The following ZNF723 variants were observed in gnomAD, a reference collection of about 807,000 sequenced individuals.
ZNF723 encodes zinc finger protein 723, pseudogene.
In ZNF723, 5 loss-of-function variants were observed where a neutral mutation model predicts 9.4. That is an observed-to-expected ratio of 0.53 (90% CI 0.28 to 1.12). The LOEUF (loss-of-function observed/expected upper bound fraction) is 1.12, where lower values mean the gene tolerates loss of function less well. Among genes scored for constraint, ZNF723 ranks in the 50% most tolerant of loss-of-function variants. ZNF723 has a pLI of 0.10. For synonymous variants in ZNF723, 158 were observed against 168.8 expected (o/e 0.94, Z 0.49); for missense variants, 450 against 501.5 (o/e 0.90, Z 0.98).
the ZNF723 span, among the ~76,000 whole-genome samples, chr19:22,817,218 G>T: frequency 3.3e-5 from 5 of 152,052 alleles, no homozygotes; most frequent in African/African-American, 1.2e-4. Flanking sequence ...CTTCTGCCTT[G>T]GCCCTGCCTA....
rs992664533 is a variant in ZNF723, at chr19:22,858,083, A to G, written c.1192A>G (p.Lys398Glu). ...AATTCATACTGGAGAGAAACCCTAC[A>G]AATGTGAAGAATGTGGCAAAGCCTT... The part of the protein sequence containing the change: ...KRIHTGEKPY[K>E]CEECGKAFNQ... The change falls in exon 4 of 4, where the codon AAA becomes GAA. Residue 398 changes from lysine (K) to glutamate (E), a missense_variant. By Grantham distance (56) the Lys-to-Glu change is moderately conservative. Around this residue, in one of 5 missense-constraint regions of ZNF723, gnomAD observed 237 missense variants for 332.2 expected, o/e 0.71. Coordinates refer to ENST00000600766, the MANE Select transcript of ZNF723 (RefSeq NM_001349726.2). 13 of 1,505,824 alleles carry G rather than the reference A, an allele frequency of 8.6e-6. No individual in the cohort carries two copies. In the African/African-American group the frequency reaches 1.8e-4, roughly 21 times the overall value. The allele number at this position is 1,505,824 out of a possible 1,614,324, so 93.3% of individuals were successfully genotyped here.
chr19:22,823,322 A>G, the ZNF723 span, among the ~76,000 whole-genome samples: 3 of 152,184 alleles, frequency 2.0e-5, no homozygotes, highest in Non-Finnish European at 2.9e-5. Flanking sequence ...GCCACAGTCC[A>G]CTGTTGAGGT....
intron 1 of ZNF723, among the ~76,000 whole-genome samples, chr19:22,839,966 T>G (rs1260148168): frequency 6.6e-6 from 1 of 151,758 alleles, no homozygotes; most frequent in Non-Finnish European, 1.5e-5. Context: ...AATAAGGTTG[T>G]TTGTTTTTCC....
In ZNF723 at chr19:22,857,352, T is replaced by G; in HGVS notation, c.461T>G (p.Phe154Cys). 1 of 822,454 alleles carries G rather than the reference T, an allele frequency of 1.2e-6. No individual in the cohort carries two copies. Among genetic ancestry groups the G allele is most frequent in the Non-Finnish European group, 2.2e-6 (1 of 464,830 alleles). The allele number at this position is 822,454 out of a possible 1,614,324, so 50.9% of individuals were successfully genotyped here. Residue 154 changes from phenylalanine (F) to cysteine (C), a missense_variant, in exon 4 of 4, where the codon TTT becomes TGT. Phe to Cys is a radical substitution (Grantham distance 205). Coordinates refer to ENST00000600766, the MANE Select transcript of ZNF723 (RefSeq NM_001349726.2). ...IFQCDKYVKV[F>C]HKFSSSNSQK... is the part of the protein sequence containing the mutation. The stretch of plus-strand genomic sequence containing the variant: ...CAATGTGATAAATATGTAAAAGTCT[T>G]TCATAAATTTTCAAGTTCAAATAGC...
intron 1 of ZNF723, among the ~76,000 whole-genome samples, chr19:22,843,217 C>T (rs1967270337): frequency 6.6e-6 from 1 of 152,208 alleles, no homozygotes; most frequent in Admixed American, 6.5e-5. Context: ...TAGCCTGAGT[C>T]TCTCCTGTCT....
At chr19:22,831,478 G>T (rs563866427), upstream of ZNF723, among the ~76,000 whole-genome samples, 3 of 151,064 alleles carry the variant, frequency 2.0e-5, no homozygotes, top group African/African-American at 7.3e-5. Context: ...AATCACTTGA[G>T]ACTGGGAGGC....
chr19:22,853,617 C>T (rs1967428504), intron 3 of ZNF723, among the ~76,000 whole-genome samples: 1 of 151,874 alleles, frequency 6.6e-6, no homozygotes, highest in Non-Finnish European at 1.5e-5. Flanking sequence ...CTTGTAAGAT[C>T]GTGTGAGTAT....
At chr19:22,853,727 G>A (rs1428819538) in intron 3 of ZNF723, among the ~76,000 whole-genome samples, 1 of 152,078 alleles carries the variant, frequency 6.6e-6, no homozygotes, top group Non-Finnish European at 1.5e-5. Context: ...AGGTGAACCT[G>A]CCTCAGCCTT....
At chr19:22,813,107 G>A in the ZNF723 span, among the ~76,000 whole-genome samples, 2 of 152,052 alleles carry the variant, frequency 1.3e-5, no homozygotes, top group African/African-American at 4.8e-5. Context: ...CCAAGTAGCT[G>A]GGATTACAGG....
intron 3 of ZNF723, among the ~76,000 whole-genome samples, chr19:22,855,186 A>G (rs1003196990): frequency 3.3e-5 from 5 of 151,708 alleles, no homozygotes; most frequent in Non-Finnish European, 5.9e-5. Flanking sequence ...GTATGTACAT[A>G]TCTTTCCTAG....
the ZNF723 span, among the ~76,000 whole-genome samples, chr19:22,813,062 C>T: frequency 1.3e-5 from 2 of 152,130 alleles, no homozygotes; most frequent in Non-Finnish European, 2.9e-5. Flanking sequence ...CAACCTCCAC[C>T]TCCTGGGTTC....
chr19:22,829,291 T>C (rs1599468006), upstream of ZNF723, among the ~76,000 whole-genome samples: 1 of 52,380 alleles, frequency 1.9e-5, no homozygotes, highest in Non-Finnish European at 3.3e-5. Flanking sequence ...TAAGTACTCT[T>C]TTTTTTTTTT....
the ZNF723 span, among the ~76,000 whole-genome samples, chr19:22,826,270 G>T: frequency 6.6e-6 from 1 of 151,642 alleles, no homozygotes; most frequent in Non-Finnish European, 1.5e-5. Flanking sequence ...CTCTAGCCTG[G>T]TCTCTGCTCC....
At chr19:22,817,937 T>A in the ZNF723 span, among the ~76,000 whole-genome samples, 2 of 152,216 alleles carry the variant, frequency 1.3e-5, no homozygotes, top group South Asian at 4.1e-4. Context: ...TTAGGATTGA[T>A]ACTCTCATGA....
the ZNF723 span, among the ~76,000 whole-genome samples, chr19:22,814,055 G>A: frequency 5.9e-5 from 9 of 151,832 alleles, no homozygotes; most frequent in Non-Finnish European, 1.2e-4. Flanking sequence ...CTTATGATCC[G>A]CCCACCTCGG....
upstream of ZNF723, among the ~76,000 whole-genome samples, chr19:22,828,979 T>C (rs1056035707): frequency 2.6e-5 from 4 of 151,822 alleles, no homozygotes; most frequent in Non-Finnish European, 4.4e-5. Context: ...TCAAGACCAG[T>C]CTGGCCAACA....
rs986561577 is a variant in ZNF723, at chr19:22,857,189, C to G, written c.298C>G (p.Leu100Val). ...AAAAGATTCTTTCCAAAAAGTAATA[C>G]TGAGAAGCTATGGAAAATATGGACA... Reference protein sequence around the residue: ...GIKDSFQKVILRSYGKYGHDN... With the variant: ...GIKDSFQKVIVRSYGKYGHDN... The change falls in exon 4 of 4, where the codon CTG becomes GTG. Residue 100 changes from leucine (L) to valine (V), a missense_variant. This residue lies in a region of ZNF723 where 143 missense variants were observed against 101.3 expected (regional missense o/e 1.41). Coordinates refer to ENST00000600766, the MANE Select transcript of ZNF723 (RefSeq NM_001349726.2). 1 of 958,028 alleles carries G rather than the reference C, an allele frequency of 1.0e-6. No homozygotes were observed. The highest frequency in any genetic ancestry group is 1.6e-5 in the African/African-American group (1 of 61,560). The allele number at this position is 958,028 out of a possible 1,614,324, so 59.3% of individuals were successfully genotyped here. A position where few individuals can be genotyped will look rare whatever the true frequency, so the allele number is the denominator to read the frequency against.
At chr19:22,842,119 C>T (rs1341958963) in intron 1 of ZNF723, among the ~76,000 whole-genome samples, 4 of 152,168 alleles carry the variant, frequency 2.6e-5, no homozygotes, top group African/African-American at 9.7e-5. Context: ...ATTCTCCTGC[C>T]TCAGCTTCCC....
the ZNF723 span, among the ~76,000 whole-genome samples, chr19:22,821,315 C>T: frequency 6.6e-6 from 1 of 152,074 alleles, no homozygotes; most frequent in African/African-American, 2.4e-5. Flanking sequence ...GTGACACATG[C>T]CTGGTGCAAG....
Sources: gnomAD v4.1 joint callset for allele counts (sites outside exome capture counted in the v4.1 genomes callset) on GRCh38, gnomAD v4.1.1 for gene constraint, gnomAD v4.1.1 regional missense constraint, MANE v1.5 for transcripts, NCBI Gene and HGNC (gene_info 2026-07-23, HGNC 2026-07-21) for gene names.